HHLA2: variants seen among roughly 807,000 people sequenced by gnomAD.
HHLA2 encodes HHLA2 member of B7 family.
HHLA2 carries 48 observed loss-of-function variants against 45.9 expected under a neutral mutation model. The observed-to-expected ratio is 1.05, with a 90% CI of 0.83 to 1.33. HHLA2 has a LOEUF of 1.33. HHLA2 is among the 40% of genes most tolerant of loss of function. The pLI is 0.00. For synonymous variants in HHLA2, 161 were observed against 173.9 expected (o/e 0.93, Z 0.59); for missense variants, 462 against 494.3 (o/e 0.93, Z 0.62).
intron 8 of HHLA2, among the ~76,000 whole-genome samples, chr3:108,363,687 T>C (rs2082016457): frequency 6.6e-6 from 1 of 152,190 alleles, no homozygotes. Context: ...AATATACTGA[T>C]ATTTGTGATT....
At chr3:108,345,703 G>A (rs761631867) in intron 3 of HHLA2, among the ~76,000 whole-genome samples, 9 of 152,150 alleles carry the variant, frequency 5.9e-5, no homozygotes, top group Non-Finnish European at 1.3e-4. Flanking sequence ...CACAGACTGC[G>A]GTTTCACCTT....
chr3:108,298,025 G>GTCTGTCTAAT (rs1228424941), intron 1 of HHLA2, among the ~76,000 whole-genome samples: 1 of 152,172 alleles, frequency 6.6e-6, no homozygotes, highest in African/African-American at 2.4e-5. Flanking sequence ...GGCTTTGAAT[G>GTCTGTCTAAT]TCTGTCTAAC....
chr3:108,345,461 G>A (rs1288990866), intron 3 of HHLA2, among the ~76,000 whole-genome samples: 1 of 152,242 alleles, frequency 6.6e-6, no homozygotes, highest in Non-Finnish European at 1.5e-5. Context: ...GTGTGGTATT[G>A]TTAAAATAAC....
At chr3:108,342,322 G>A (rs1349010643) in intron 3 of HHLA2, among the ~76,000 whole-genome samples, 3 of 139,268 alleles carry the variant, frequency 2.2e-5, no homozygotes, top group East Asian at 2.4e-4. Flanking sequence ...GGAGTGCAAC[G>A]GCGCGCTCTC....
intron 2 of HHLA2, among the ~76,000 whole-genome samples, chr3:108,321,795 T>A (rs1336536233): frequency 6.6e-6 from 1 of 152,116 alleles, no homozygotes; most frequent in Admixed American, 6.5e-5. Context: ...ATTTTAAAAA[T>A]CTTTTTTGCT....
intron 1 of HHLA2, among the ~76,000 whole-genome samples, chr3:108,304,906 T>G (rs1196067406): frequency 6.6e-6 from 1 of 152,200 alleles, no homozygotes; most frequent in East Asian, 1.9e-4. Context: ...CCACAATATG[T>G]TGTCATATTT....
At chr3:108,314,531 C>G (rs1318082962) in intron 2 of HHLA2, among the ~76,000 whole-genome samples, 1 of 151,968 alleles carries the variant, frequency 6.6e-6, no homozygotes, top group African/African-American at 2.4e-5. Flanking sequence ...TTCCTGACCC[C>G]AGATACCTTG....
intron 10 of HHLA2, chr3:108,377,041 A>G: frequency 3.9e-6 from 2 of 512,218 alleles, no homozygotes. Context: ...TTCCACTGTT[A>G]AAAACCATGA....
At chr3:108,310,317 T>C (rs2080998652) in intron 1 of HHLA2, among the ~76,000 whole-genome samples, 1 of 152,184 alleles carries the variant, frequency 6.6e-6, no homozygotes, top group African/African-American at 2.4e-5. Flanking sequence ...CATATTACCT[T>C]CAGGGGAAAC....
At chr3:108,361,920 G>T (rs968104365) in intron 7 of HHLA2, among the ~76,000 whole-genome samples, 1 of 151,976 alleles carries the variant, frequency 6.6e-6, no homozygotes, top group Admixed American at 6.6e-5. Flanking sequence ...GCTAATTTAT[G>T]GACATAATTA....
intron 3 of HHLA2, among the ~76,000 whole-genome samples, chr3:108,346,685 G>GT (rs77904247): frequency 1.3e-5 from 2 of 152,288 alleles, no homozygotes; most frequent in East Asian, 3.9e-4. Context: ...AACATTATAT[G>GT]TTTTTATCGT....
intron 2 of HHLA2, among the ~76,000 whole-genome samples, chr3:108,311,517 G>T (rs3811693): frequency 0.17 from 26,352 of 151,992 alleles, 2,829 homozygotes; most frequent in East Asian, 0.52. Context: ...AAATGGAGCT[G>T]CATTCTTGAT....
At chr3:108,370,080 C>T (rs988597153) in intron 8 of HHLA2, among the ~76,000 whole-genome samples, 2 of 152,220 alleles carry the variant, frequency 1.3e-5, no homozygotes, top group African/African-American at 4.8e-5. Flanking sequence ...CGGACTCACA[C>T]CTCACACGGC....
intron 2 of HHLA2, among the ~76,000 whole-genome samples, chr3:108,322,907 T>G (rs1193622924): frequency 2.6e-5 from 4 of 152,188 alleles, no homozygotes; most frequent in Non-Finnish European, 4.4e-5. Context: ...AAGCAGTTCC[T>G]ATGTCTTTTG....
intron 3 of HHLA2, 99 bp from the exon 3 acceptor site, chr3:108,351,689 A>G (rs960728933): frequency 2.1e-5 from 14 of 677,596 alleles, no homozygotes; most frequent in Non-Finnish European, 3.5e-5. Flanking sequence ...ATTATATTTA[A>G]TGGCCACAAA....
At chr3:108,335,490 T>C (rs921164458) in intron 3 of HHLA2, among the ~76,000 whole-genome samples, 1 of 152,146 alleles carries the variant, frequency 6.6e-6, no homozygotes. Context: ...TCCCATTAGG[T>C]AGAATGTTGG....
intron 1 of HHLA2, among the ~76,000 whole-genome samples, chr3:108,301,955 T>C (rs2107281724): frequency 6.6e-6 from 1 of 152,282 alleles, no homozygotes; most frequent in Non-Finnish European, 1.5e-5. Flanking sequence ...TAAAAGGTAA[T>C]CCACATAACT....
chr3:108,315,043 C>T (rs141050905), intron 2 of HHLA2, among the ~76,000 whole-genome samples: 2 of 152,300 alleles, frequency 1.3e-5, no homozygotes, highest in African/African-American at 4.8e-5. Context: ...TTCAGTAGAA[C>T]AAACACCCTT....
chr3:108,367,437 T>A (rs1056479538), intron 8 of HHLA2, among the ~76,000 whole-genome samples: 1 of 151,900 alleles, frequency 6.6e-6, no homozygotes, highest in Admixed American at 6.6e-5. Flanking sequence ...TCTAACCCAA[T>A]GTAAGGAAGC....
Sources: gnomAD v4.1 joint callset for allele counts (sites outside exome capture counted in the v4.1 genomes callset) on GRCh38, gnomAD v4.1.1 for gene constraint, MANE v1.5 for transcripts, NCBI Gene and HGNC (gene_info 2026-07-23, HGNC 2026-07-21) for gene names.